Variants in CFAP44 observed in about 807,000 individuals in gnomAD.
CFAP44 encodes the protein cilia and flagella associated protein 44, also known as cilia- and flagella-associated protein 44.
In CFAP44, 134 loss-of-function variants were observed where a neutral mutation model predicts 216.2. The ratio of observed to expected loss-of-function variants is 0.62; its 90% CI spans 0.54 to 0.72. The LOEUF is 0.72. Among genes scored for constraint, CFAP44 ranks in the 30% least tolerant of loss-of-function variants. CFAP44 has a pLI of 0.00. For synonymous variants in CFAP44, 700 were observed against 727.6 expected, an observed-to-expected ratio of 0.96 and a Z score of 0.61; for missense variants, 2,035 against 2,182.1, an observed-to-expected ratio of 0.93 and a Z score of 1.34.
chr3:113,320,466 CAT>C (rs760411103), intron 28 of CFAP44, among the ~76,000 whole-genome samples: 37 of 93,942 alleles, frequency 3.9e-4, no homozygotes, highest in Non-Finnish European at 6.3e-4. Context: ...ATCTATATAT[CAT>C]ATATGATATA....
Position 113,396,592 on chromosome 3 carries a change from G to A in CFAP44, c.1705C>T (p.Gln569Ter). The stretch of plus-strand genomic sequence containing the variant: ...CAAGCAGTATGGGGTTTGAAAACCT[G>A]TTTCAACTGAATATCAGCATCCAAA... ...KILDADIQLKQVFKPHTACVT... is the reference protein window; with the variant it reads ...KILDADIQLK Residue 569 changes from glutamine to a stop codon, truncating the protein, a stop_gained, in exon 14 of 35, where the codon CAG (glutamine) becomes TAG (stop). Coordinates refer to ENST00000393845, the MANE Select transcript of CFAP44 (RefSeq NM_001164496.2). LOFTEE classifies it high-confidence loss of function. 1 of 1,614,094 alleles carries A rather than the reference G, an allele frequency of 6.2e-7. No individual in the cohort carries two copies. Among genetic ancestry groups the A allele is most frequent in the Middle Eastern group, 1.6e-4 (1 of 6,062 alleles).
At chr3:113,422,485 A>C (rs76120155) in intron 4 of CFAP44, among the ~76,000 whole-genome samples, 5,277 of 152,296 alleles carry the variant, frequency 0.035, 308 homozygotes, top group African/African-American at 0.12. Context: ...GAGAGAGATA[A>C]AGCATTTCAG....
chr3:113,430,543 TA>T (rs1935081455), intron 2 of CFAP44, among the ~76,000 whole-genome samples: 1 of 150,488 alleles, frequency 6.6e-6, no homozygotes, highest in Non-Finnish European at 1.5e-5. Flanking sequence ...AGAAACAACA[TA>T]AATCTGCAAC....
chr3:113,411,404 TCC>T (rs1934468111), intron 6 of CFAP44, among the ~76,000 whole-genome samples: 1 of 152,204 alleles, frequency 6.6e-6, no homozygotes, highest in East Asian at 1.9e-4. Flanking sequence ...AAATAGGGAA[TCC>T]TTTCCCCATT....
At chr3:113,423,388 G>C (rs1028710917) in intron 4 of CFAP44, among the ~76,000 whole-genome samples, 1 of 152,072 alleles carries the variant, frequency 6.6e-6, no homozygotes, top group African/African-American at 2.4e-5. Context: ...TGATCTGCCT[G>C]CCAAGCCTCC....
At chr3:113,386,091 G>A (rs1004773307) in intron 15 of CFAP44, among the ~76,000 whole-genome samples, 5 of 152,086 alleles carry the variant, frequency 3.3e-5, no homozygotes, top group Admixed American at 6.6e-5. Flanking sequence ...GAGGTGGGAT[G>A]TATATATATT....
At chr3:113,302,597 T>C (rs1289370794) in intron 32 of CFAP44, among the ~76,000 whole-genome samples, 2 of 149,108 alleles carry the variant, frequency 1.3e-5, no homozygotes, top group Non-Finnish European at 3.0e-5. Flanking sequence ...CCATCTCTAC[T>C]AAAAAACACA....
chr3:113,424,628 G>T (rs926498483), intron 4 of CFAP44, among the ~76,000 whole-genome samples: 1 of 152,066 alleles, frequency 6.6e-6, no homozygotes. Flanking sequence ...ATCTAATGGG[G>T]GCCATCCCAG....
intron 28 of CFAP44, among the ~76,000 whole-genome samples, chr3:113,313,199 G>C (rs1457252653): frequency 1.3e-5 from 2 of 152,072 alleles, no homozygotes; most frequent in Non-Finnish European, 2.9e-5. Flanking sequence ...CCACCTCTTG[G>C]ATGTGAGACC....
At chr3:113,369,646 C>G (rs1296207041) in intron 18 of CFAP44, among the ~76,000 whole-genome samples, 1 of 152,132 alleles carries the variant, frequency 6.6e-6, no homozygotes, top group East Asian at 1.9e-4. Context: ...AAAATCAACA[C>G]CCTAATATTG....
intron 5 of CFAP44, 116 bp from the exon 6 acceptor site, chr3:113,416,743 G>A: frequency 2.9e-6 from 2 of 691,132 alleles, no homozygotes; most frequent in Admixed American, 3.4e-5. Flanking sequence ...TACTCTAATA[G>A]AAAACTCAAA....
chr3:113,387,371 C>G (rs552128202), intron 15 of CFAP44, among the ~76,000 whole-genome samples: 1 of 152,262 alleles, frequency 6.6e-6, no homozygotes, highest in South Asian at 2.1e-4. Context: ...AGGTAGGGCA[C>G]CAGGAAGAGT....
intron 18 of CFAP44, among the ~76,000 whole-genome samples, chr3:113,370,496 T>C (rs887165428): frequency 6.6e-6 from 1 of 152,110 alleles, no homozygotes; most frequent in Admixed American, 6.5e-5. Flanking sequence ...ATTATCTCAA[T>C]AGACGCAGAA....
intron 2 of CFAP44, among the ~76,000 whole-genome samples, chr3:113,432,913 T>C (rs1935142325): frequency 1.3e-5 from 2 of 152,250 alleles, no homozygotes; most frequent in Admixed American, 1.3e-4. Context: ...GATAATCTAT[T>C]ATTTAACATT....
chr3:113,396,269 T>G (rs1199953600), intron 14 of CFAP44, among the ~76,000 whole-genome samples: 1 of 152,224 alleles, frequency 6.6e-6, no homozygotes, highest in Admixed American at 6.5e-5. Flanking sequence ...TCAATTCACC[T>G]AAAATAAGCA....
chr3:113,360,424 T>C (rs1490781063), intron 21 of CFAP44: 8 of 233,586 alleles, frequency 3.4e-5, no homozygotes, highest in Non-Finnish European at 7.7e-5. Context: ...TTGGATCTCA[T>C]GGGACAACTT....
chr3:113,393,045 T>C (rs560836614), intron 15 of CFAP44, among the ~76,000 whole-genome samples: 5 of 152,224 alleles, frequency 3.3e-5, no homozygotes, highest in African/African-American at 1.2e-4. Flanking sequence ...AATGGCTCTG[T>C]GTGTACATGG....
chr3:113,365,060 A>T (rs191540006), intron 19 of CFAP44, among the ~76,000 whole-genome samples: 219 of 152,194 alleles, frequency 1.4e-3, no homozygotes, highest in Non-Finnish European at 2.8e-3. Flanking sequence ...TGTAGGAGGG[A>T]TATTGACTGC....
intron 15 of CFAP44, among the ~76,000 whole-genome samples, chr3:113,384,744 A>G (rs1933602721): frequency 6.6e-6 from 1 of 152,236 alleles, no homozygotes; most frequent in Non-Finnish European, 1.5e-5. Context: ...TGTTTAAGCC[A>G]TCCACTTTGT....
Sources: gnomAD v4.1 joint callset for allele counts (sites outside exome capture counted in the v4.1 genomes callset) on GRCh38, gnomAD v4.1.1 for gene constraint, MANE v1.5 for transcripts, NCBI Gene and HGNC (gene_info 2026-07-23, HGNC 2026-07-21) for gene names.